Variants in CARD9 observed in about 807,000 individuals in gnomAD.
CARD9 encodes the protein caspase recruitment domain family member 9, also known as caspase recruitment domain-containing protein 9.
In CARD9, 53 loss-of-function variants were observed where a neutral mutation model predicts 66.0. The ratio of observed to expected loss-of-function variants is 0.80; its 90% CI spans 0.64 to 1.01. The LOEUF (loss-of-function observed/expected upper bound fraction) is 1.01, where lower values mean the gene tolerates loss of function less well. CARD9 is among the 50% of genes least tolerant of loss of function. CARD9 has a pLI of 0.00. For missense variants in CARD9, 769 were observed against 743.2 expected (o/e 1.03, Z -0.40); for synonymous variants, 387 against 313.8 (o/e 1.23, Z -2.47).
Position 136,364,574 on chromosome 9 carries a change from AGGCTCGG to A in CARD9, c.1435-22_1435-16del. 1.3e-6 allele frequency: 2 copies of A among 1,535,484 alleles called. No individual in the cohort carries two copies. The highest frequency in any genetic ancestry group is 1.7e-6 in the Non-Finnish European group (2 of 1,144,974). On this transcript the variant is annotated splice_polypyrimidine_tract_variant and intron_variant, in intron 11 of 12. Transcript: ENST00000371732. ...AGGCCTGCGTCCTGGAGAAGGGGGA[AGGCTCGG>A]GCTCCGGCCGGCTCCCCTGAGGGAA...
At chr9:136,368,667 G>GC (rs1048961411) in intron 7 of CARD9, among the ~76,000 whole-genome samples, 1 of 152,222 alleles carries the variant, frequency 6.6e-6, no homozygotes, top group African/African-American at 2.4e-5. Context: ...GCCCTGCCCC[G>GC]CGACGCTCCA....
intron 7 of CARD9, among the ~76,000 whole-genome samples, chr9:136,369,053 C>G (rs1396246108): frequency 6.6e-6 from 1 of 152,184 alleles, no homozygotes; most frequent in Non-Finnish European, 1.5e-5. Context: ...CTCCTGACCT[C>G]AAGTGAGCCG....
rs1297961212 is a variant in CARD9, at chr9:136,371,022, A to AC, written c.445dup (p.Val149GlyfsTer46). On this transcript the variant is annotated frameshift_variant, in exon 4 of 13. Coordinates refer to ENST00000371732, the MANE Select transcript of CARD9 (RefSeq NM_052813.5). LOFTEE classifies it high-confidence loss of function. ...GTGCTTGCGCAGCAGGCTGTCCTTC[A>AC]CCCGCAGCTCCTTGATGAAGTCATC... The AC allele has an allele frequency of 6.2e-7, 1 of 1,611,648 alleles. No individual in the cohort carries two copies. Among genetic ancestry groups the AC allele is most frequent in the Non-Finnish European group, 8.5e-7 (1 of 1,179,620 alleles).
intron 2 of CARD9, among the ~76,000 whole-genome samples, chr9:136,371,669 C>A (rs1443377055): frequency 6.6e-6 from 1 of 151,252 alleles, no homozygotes; most frequent in African/African-American, 2.4e-5. Context: ...CAGGAGCCCC[C>A]GCTGCGGTGG....
intron 6 of CARD9, chr9:136,370,078 T>A: frequency 7.2e-7 from 1 of 1,381,986 alleles, no homozygotes; most frequent in Non-Finnish European, 9.6e-7. Context: ...CAGACACTGC[T>A]GTGCCTCAGG....
intron 9 of CARD9, among the ~76,000 whole-genome samples, 154 bp from the exon 10 acceptor site, chr9:136,366,999 G>A (rs1588721294): frequency 6.6e-6 from 1 of 152,214 alleles, no homozygotes; most frequent in Non-Finnish European, 1.5e-5. Context: ...CCCAGCAGAC[G>A]GACATTGGGC....
At position 136,365,011 on chromosome 9, in the gene CARD9, G is replaced by C; in HGVS notation, c.1434+130C>G. 2 of 828,660 alleles carry C rather than the reference G, an allele frequency of 2.4e-6. 1 individual carries two copies. Among genetic ancestry groups the C allele is most frequent in the South Asian group, 3.2e-5 (2 of 62,992 alleles). 51.3% of individuals were successfully genotyped at this position (828,660 alleles called of 1,614,324 possible). On this transcript the variant is annotated intron_variant, in intron 11 of 12. Transcript: ENST00000371732. ...CCGCACCCCGAGCACTGTGGGCAGA[G>C]ACCTTGTGGTCACTCCTCAGCTGTC...
intron 2 of CARD9, 95 bp downstream of exon 2, chr9:136,371,800 C>A: frequency 6.6e-7 from 1 of 1,525,896 alleles, no homozygotes; most frequent in Non-Finnish European, 8.8e-7. Context: ...CGGGGCTCTC[C>A]TGGGGTTGAG....
chr9:136,367,574 G>A (rs762222275), intron 8 of CARD9, 63 bp downstream of exon 8: 13 of 1,497,930 alleles, frequency 8.7e-6, no homozygotes, highest in African/African-American at 5.5e-5. Context: ...CTGAGGCTCC[G>A]TGCTCCCCTG....
chr9:136,365,162 C>G lies in CARD9; in HGVS notation c.1413G>C (p.Glu471Asp). ...PKQPFAALHQEQVLRNPHDAG... is the reference protein window; with the variant it reads ...PKQPFAALHQDQVLRNPHDAG... Reference sequence around the variant, plus strand: ...TTACATGGGGGTTCCGCAAAACCTGCTCCTGGTGCAGAGCTGCAAAGGGCT... The same window carrying G: ...TTACATGGGGGTTCCGCAAAACCTGGTCCTGGTGCAGAGCTGCAAAGGGCT... The change falls in exon 11 of 13, where the codon GAG becomes GAC. Residue 471 changes from glutamate (E) to aspartate (D), a missense_variant. Transcript: ENST00000371732. 2 of 1,612,022 alleles carry G rather than the reference C, an allele frequency of 1.2e-6. No individual in the cohort carries two copies. Among genetic ancestry groups the G allele is most frequent in the Non-Finnish European group, 1.7e-6 (2 of 1,179,900 alleles).
At chr9:136,367,110 C>A in intron 9 of CARD9, 106 bp downstream of exon 9, 1 of 1,335,446 alleles carries the variant, frequency 7.5e-7, no homozygotes, top group Non-Finnish European at 1.0e-6. Context: ...CCCAGCCCAC[C>A]GAGCAGGGCC....
chr9:136,367,646 C>T lies in CARD9; in HGVS notation c.1260G>A (p.Thr420=), dbSNP rs142757984. The change falls in exon 8 of 13, where the codon ACG becomes ACA. Residue 420 remains threonine, a synonymous_variant. Transcript: ENST00000371732. ...EGRLRRQQLE[T]LVLSSDLEDG... ...CAGGCCCCAGGCCCACCAGGACGAG[C>T]GTCTCCAGCTGCTGCCGCCTGAGCC... 2.4e-4 allele frequency: 380 copies of T among 1,587,280 alleles called. No individual in the cohort carries two copies. Among genetic ancestry groups the T allele is most frequent in the Non-Finnish European group, 3.1e-4 (363 of 1,173,160 alleles).
At chr9:136,366,383 A>G (rs902305203) in intron 10 of CARD9, 7 of 223,594 alleles carry the variant, frequency 3.1e-5, no homozygotes, top group African/African-American at 4.6e-5. Flanking sequence ...TTCTAGCTTC[A>G]TGCACCTGGT....
Position 136,369,895 on chromosome 9 carries a change from AG to A in CARD9, c.952-21del. ...CATGCACTGCAGGGGGCGGCAGCTC[AG>A]CCCCCACAGGCCTGAGGCCCCCCAT... On this transcript the variant is annotated intron_variant, in intron 6 of 12. Transcript: ENST00000371732. 1 of 1,610,072 alleles carries A rather than the reference AG, an allele frequency of 6.2e-7. No homozygotes were observed. Among genetic ancestry groups the A allele is most frequent in the South Asian group, 1.1e-5 (1 of 91,080 alleles).
At chr9:136,365,427 A>T in intron 10 of CARD9, 1 of 588,640 alleles carries the variant, frequency 1.7e-6, no homozygotes, top group South Asian at 2.0e-5. Context: ...AGGCCGCCAG[A>T]TGCCAGCCCA....
chr9:136,366,657 AT>A, intron 10 of CARD9, 142 bp downstream of exon 10: 9 of 893,646 alleles, frequency 1.0e-5, no homozygotes, highest in Non-Finnish European at 5.5e-6. Flanking sequence ...CATTTTACTT[AT>A]CCCCAGCCCC....
At chr9:136,365,605 A>G in intron 10 of CARD9, 1 of 258,010 alleles carries the variant, frequency 3.9e-6, no homozygotes, top group Non-Finnish European at 7.6e-6. Context: ...AGTTGGGGAC[A>G]GCTACAGTGG....
Position 136,364,503 on chromosome 9 carries a change from C to T in CARD9, c.1491G>A (p.Glu497=), listed in dbSNP as rs1027073004. 8 of 1,539,386 alleles carry T rather than the reference C, an allele frequency of 5.2e-6. No homozygotes were observed. The highest frequency in any genetic ancestry group is 2.4e-5 in the East Asian group (1 of 40,972). The part of the protein sequence containing the change: ...PPEKERRRLK[E]SFENYRRKRA... ...CCTACCTGCGGTAGTTCTCAAAACT[C>T]TCTTTGAGGCGCCGCCGCTCCTTCT... The change falls in exon 12 of 13, where the codon GAG becomes GAA. Residue 497 remains glutamate, a synonymous_variant. Transcript: ENST00000371732.
rs537062957 is a variant in CARD9 at position 136,370,699 on chromosome 9, A to G, written c.630T>C (p.Ile210=). ...LMRNRDLQLE[I]DQLKHSLMKA... ...TCATGAGGCTGTGCTTGAGCTGGTC[A>G]ATCTGCAGAAGGTCCAGTGAGCCTG... The change falls in exon 5 of 13, where the codon ATT becomes ATC. Residue 210 remains isoleucine (I), a splice_region_variant and synonymous_variant. Transcript: ENST00000371732. 3.7e-6 allele frequency: 6 copies of G among 1,612,672 alleles called. No homozygotes were observed. In the South Asian group the frequency reaches 4.4e-5, roughly 12 times the overall value.
Sources: allele counts gnomAD v4.1 joint callset (sites outside exome capture counted in the v4.1 genomes callset), GRCh38; gene constraint gnomAD v4.1.1; transcripts MANE v1.5; gene names NCBI Gene and HGNC (gene_info 2026-07-23, HGNC 2026-07-21).